PLEKHM3: variants seen among roughly 807,000 people sequenced by gnomAD.
PLEKHM3 encodes pleckstrin homology domain-containing family M member 3.
PLEKHM3 carries 45 observed loss-of-function variants against 81.8 expected under a neutral mutation model. The ratio of observed to expected loss-of-function variants is 0.55; its 90% CI spans 0.43 to 0.71. The LOEUF is 0.71. Ranked by LOEUF, PLEKHM3 falls within the 30% of genes least tolerant of loss-of-function variation. PLEKHM3 has a pLI of 0.00. For missense variants in PLEKHM3, 788 were observed against 924.3 expected, an observed-to-expected ratio of 0.85 and a Z score of 1.91; for synonymous variants, 352 against 356.4, an observed-to-expected ratio of 0.99 and a Z score of 0.14.
intron 5 of PLEKHM3, among the ~76,000 whole-genome samples, chr2:207,918,694 A>G (rs969299834): frequency 6.6e-6 from 1 of 152,226 alleles, no homozygotes; most frequent in East Asian, 1.9e-4. Context: ...TTCTTTTGTA[A>G]TAAGAGAAAA....
intron 7 of PLEKHM3, among the ~76,000 whole-genome samples, chr2:207,859,551 C>G (rs1417390403): frequency 6.6e-6 from 1 of 151,678 alleles, no homozygotes; most frequent in Admixed American, 6.6e-5. Flanking sequence ...TTAGCTATTA[C>G]GAATGCTGCT....
rs573371460 is a variant in PLEKHM3, at chr2:208,013,491, G to A, written c.-318-11534C>T. ...AGATCACACCACTGCACTCCCGCCT[G>A]GGCAACAGAGCAAGACTCCATCTCA... On this transcript the variant is annotated intron_variant, in intron 1 of 7. Coordinates refer to ENST00000427836, the MANE Select transcript of PLEKHM3 (RefSeq NM_001080475.3). Among the ~76,000 whole-genome samples the A allele has an allele frequency of 7.9e-5, 12 of 151,976 alleles. 1 individual carries two copies. The highest frequency in any genetic ancestry group is 6.3e-4 in the South Asian group (3 of 4,780).
intron 7 of PLEKHM3, among the ~76,000 whole-genome samples, chr2:207,856,898 T>C (rs1437084459): frequency 6.6e-6 from 1 of 152,248 alleles, no homozygotes; most frequent in Non-Finnish European, 1.5e-5. Flanking sequence ...TTCATTATGG[T>C]TTGAGAATCA....
At chr2:207,967,492 C>T (rs998467783) in intron 3 of PLEKHM3, among the ~76,000 whole-genome samples, 5 of 152,194 alleles carry the variant, frequency 3.3e-5, no homozygotes, top group Middle Eastern at 3.2e-3. Context: ...TCTAGCTTAA[C>T]GTTTCAGAAT....
chr2:207,943,003 G>T (rs1441533307), intron 4 of PLEKHM3, among the ~76,000 whole-genome samples: 5 of 152,220 alleles, frequency 3.3e-5, no homozygotes, highest in African/African-American at 1.2e-4. Context: ...TGGAGGTAGT[G>T]AGTAGAATGG....
chr2:207,835,454 C>A (rs1287224887), intron 7 of PLEKHM3, among the ~76,000 whole-genome samples: 1 of 152,062 alleles, frequency 6.6e-6, no homozygotes, highest in Non-Finnish European at 1.5e-5. Flanking sequence ...AAGTTTCTTC[C>A]AACTTGCAGA....
intron 4 of PLEKHM3, among the ~76,000 whole-genome samples, chr2:207,938,295 T>G (rs1201931647): frequency 6.6e-6 from 1 of 152,222 alleles, no homozygotes; most frequent in Non-Finnish European, 1.5e-5. Context: ...TTCCTAATCT[T>G]GGAGCTCAAT....
rs1466250920 is a variant in PLEKHM3 at position 207,946,501 on chromosome 2, A to G, written c.1558T>C (p.Ser520Pro). The G allele has an allele frequency of 6.2e-7, 1 of 1,613,984 alleles. No individual in the cohort carries two copies. The change falls in exon 4 of 8, where the codon TCC becomes CCC. Residue 520 changes from serine to proline, a missense_variant. Coordinates refer to ENST00000427836, the MANE Select transcript of PLEKHM3 (RefSeq NM_001080475.3). Reference protein sequence around the residue: ...QSFKCAGCQRSIGLSNGKAKV... With the variant: ...QSFKCAGCQRPIGLSNGKAKV... ...GCTTTCCCATTGGAAAGACCTATGG[A>G]TCGCTGGCAGCCTGTTCAAGGAAAA...
In PLEKHM3 at chr2:207,828,456, C is replaced by T. The variant is rs756662381; in HGVS notation, c.2149G>A (p.Glu717Lys). The T allele has an allele frequency of 6.2e-7, 1 of 1,613,962 alleles. No individual in the cohort carries two copies. Among genetic ancestry groups the T allele is most frequent in the Non-Finnish European group, 8.5e-7 (1 of 1,180,008 alleles). The part of the protein sequence containing the change: ...CGAVFHSECK[E>K]KSVPCPRCVR... Reference sequence around the variant, plus strand: ...CACCTCGGGCAGGGGACAGACTTTTCTTTGCATTCAGAATGGAAAACGGCT... The same window carrying T: ...CACCTCGGGCAGGGGACAGACTTTTTTTTGCATTCAGAATGGAAAACGGCT... Residue 717 changes from glutamate to lysine, a missense_variant, in exon 8 of 8, where the codon GAA becomes AAA. Transcript: ENST00000427836.
chr2:207,828,808 G>C (rs1421792784), intron 7 of PLEKHM3, among the ~76,000 whole-genome samples: 2 of 152,180 alleles, frequency 1.3e-5, no homozygotes, highest in Non-Finnish European at 2.9e-5. Context: ...CATTGAGAAG[G>C]GAATTGGCAG....
At chr2:207,961,315 G>C (rs1034474823) in intron 3 of PLEKHM3, among the ~76,000 whole-genome samples, 15 of 152,188 alleles carry the variant, frequency 9.9e-5, no homozygotes, top group African/African-American at 3.4e-4. Flanking sequence ...TGATTTAAAA[G>C]AGAAGCAATT....
intron 5 of PLEKHM3, among the ~76,000 whole-genome samples, chr2:207,928,843 T>A (rs1689492378): frequency 6.6e-6 from 1 of 152,250 alleles, no homozygotes; most frequent in African/African-American, 2.4e-5. Flanking sequence ...AACAGAACCA[T>A]CTAAATTTTT....
chr2:207,841,466 AAAAAAAAAAAAAAAAT>A (rs1280714031), intron 7 of PLEKHM3, among the ~76,000 whole-genome samples: 49 of 69,182 alleles, frequency 7.1e-4, no homozygotes, highest in Non-Finnish European at 2.8e-4. Context: ...AAAAAAAAAA[AAAAAAAAAAAAAAAAT>A]ATATATATAT....
chr2:207,908,694 A>G lies in PLEKHM3; in HGVS notation c.1887-117T>C. The stretch of plus-strand genomic sequence containing the variant: ...CCTCTGCCCTGTCCACTTTCCACCT[A>G]TACTTCTCCTAAGCCCTCTGAGGAA... On this transcript the variant is annotated intron_variant, in intron 5 of 7. Coordinates refer to ENST00000427836, the MANE Select transcript of PLEKHM3 (RefSeq NM_001080475.3). 6.0e-6 allele frequency: 5 copies of G among 836,610 alleles called. No individual in the cohort carries two copies. In the South Asian group the frequency reaches 7.1e-5, roughly 12 times the overall value. 51.8% of individuals were successfully genotyped at this position (836,610 alleles called of 1,614,324 possible).
chr2:208,014,431 G>A (rs1163374336), intron 1 of PLEKHM3, among the ~76,000 whole-genome samples: 2 of 152,184 alleles, frequency 1.3e-5, no homozygotes, highest in Non-Finnish European at 2.9e-5. Context: ...ATCACCTGAG[G>A]TCAGGAGTTT....
At chr2:207,881,794 T>C (rs1309001283) in intron 6 of PLEKHM3, among the ~76,000 whole-genome samples, 1 of 152,068 alleles carries the variant, frequency 6.6e-6, no homozygotes, top group Non-Finnish European at 1.5e-5. Flanking sequence ...TCCTACTCTT[T>C]CCAGTGAAAA....
chr2:208,002,812 T>C (rs1692355925), intron 1 of PLEKHM3, among the ~76,000 whole-genome samples: 1 of 152,076 alleles, frequency 6.6e-6, no homozygotes, highest in African/African-American at 2.4e-5. Flanking sequence ...ATAGTAGCCA[T>C]TATGACCATT....
intron 2 of PLEKHM3, among the ~76,000 whole-genome samples, chr2:207,982,001 G>A (rs1313207181): frequency 6.6e-6 from 1 of 152,168 alleles, no homozygotes; most frequent in African/African-American, 2.4e-5. Flanking sequence ...CCTGAGATAG[G>A]AAGACCAGCC....
intron 3 of PLEKHM3, among the ~76,000 whole-genome samples, chr2:207,966,283 T>G (rs1182818784): frequency 6.6e-6 from 1 of 152,210 alleles, no homozygotes; most frequent in Non-Finnish European, 1.5e-5. Flanking sequence ...TGACTTGTCT[T>G]AAGGTCAAAA....
Sources: allele counts gnomAD v4.1 joint callset (sites outside exome capture counted in the v4.1 genomes callset), GRCh38; gene constraint gnomAD v4.1.1; transcripts MANE v1.5; gene names NCBI Gene and HGNC (gene_info 2026-07-23, HGNC 2026-07-21).